Variants in UBL3 observed in about 807,000 individuals in gnomAD.
UBL3 encodes the protein ubiquitin-like protein 3.
Under a neutral mutation model 18.4 loss-of-function variants are expected in UBL3, and 6 were observed. The ratio of observed to expected loss-of-function variants is 0.33; its 90% confidence interval spans 0.18 to 0.64. The LOEUF is 0.64. UBL3 is among the 30% of genes least tolerant of loss of function. The pLI is 0.76. For synonymous variants in UBL3, 49 were observed against 46.6 expected, an observed-to-expected ratio of 1.05 and a Z score of -0.21; for missense variants, 109 against 142.9, an observed-to-expected ratio of 0.76 and a Z score of 1.21.
At chr13:29,836,250 T>TG (rs1878959261) in intron 1 of UBL3, among the ~76,000 whole-genome samples, 1 of 152,084 alleles carries the variant, frequency 6.6e-6, no homozygotes, top group African/African-American at 2.4e-5. Context: ...GATGGTGCCA[T>TG]GGTAAGTAAC....
chr13:29,785,962 G>C (rs576345261), intron 1 of UBL3, among the ~76,000 whole-genome samples: 3 of 152,330 alleles, frequency 2.0e-5, no homozygotes, highest in South Asian at 4.1e-4. Flanking sequence ...GTGTGGAACA[G>C]TGAGTTATAA....
intron 1 of UBL3, among the ~76,000 whole-genome samples, chr13:29,816,937 G>A (rs1261949136): frequency 6.6e-6 from 1 of 152,028 alleles, no homozygotes; most frequent in Non-Finnish European, 1.5e-5. Flanking sequence ...CTAACTGCTA[G>A]GTAAATTAGG....
At chr13:29,775,623 ATTT>A (rs987503319) in intron 2 of UBL3, among the ~76,000 whole-genome samples, 1 of 150,276 alleles carries the variant, frequency 6.7e-6, no homozygotes, top group East Asian at 2.0e-4. Context: ...GAGGGAGGCA[ATTT>A]TTTTTTTGAG....
At chr13:29,774,003 CTT>C (rs1305947489) in intron 2 of UBL3, among the ~76,000 whole-genome samples, 1 of 152,188 alleles carries the variant, frequency 6.6e-6, no homozygotes, top group African/African-American at 2.4e-5. Flanking sequence ...ACAATATAGA[CTT>C]AGATTTTTAA....
intron 1 of UBL3, among the ~76,000 whole-genome samples, chr13:29,796,508 A>G (rs1877617049): frequency 1.3e-5 from 2 of 152,208 alleles, no homozygotes; most frequent in Non-Finnish European, 2.9e-5. Context: ...ACTTATAAAA[A>G]TGGTCAACCT....
rs139786947 is a variant in UBL3, at chr13:29,772,932, T to C, written c.137-734A>G. 2.2e-4 allele frequency among the ~76,000 whole-genome samples: 34 copies of C among 152,198 alleles called. No homozygotes were observed. In the East Asian group the frequency reaches 6.0e-3, roughly 27 times the overall value. On this transcript the variant is annotated intron_variant, in intron 2 of 4. Coordinates refer to ENST00000380680, the MANE Select transcript of UBL3 (RefSeq NM_007106.4). The stretch of plus-strand genomic sequence containing the variant: ...CTATAATTTATATTATTGTAAAAGA[T>C]GGAAACCACTCCATTAAAATAAAGG...
intron 1 of UBL3, among the ~76,000 whole-genome samples, chr13:29,835,101 T>TATAA (rs1566000937): frequency 6.7e-5 from 3 of 44,974 alleles, no homozygotes; most frequent in South Asian, 1.0e-3. Context: ...TATATATATA[T>TATAA]ATATAAATAT....
intron 1 of UBL3, among the ~76,000 whole-genome samples, chr13:29,831,910 C>T (rs535012018): frequency 6.6e-6 from 1 of 152,234 alleles, no homozygotes; most frequent in East Asian, 1.9e-4. Flanking sequence ...ATAGTAGCCA[C>T]TAGATACACA....
intron 1 of UBL3, among the ~76,000 whole-genome samples, chr13:29,842,202 C>T (rs2025604): frequency 0.28 from 41,140 of 147,544 alleles, 5,819 homozygotes; most frequent in East Asian, 0.41. Flanking sequence ...AGTGCAGTGG[C>T]GCAATCTCAG....
intron 1 of UBL3, among the ~76,000 whole-genome samples, chr13:29,784,937 ACT>A (rs760529813): frequency 7.9e-5 from 12 of 152,078 alleles, no homozygotes; most frequent in Admixed American, 5.2e-4. Flanking sequence ...ACGGAGTCTC[ACT>A]CTGTCACCCA....
intron 1 of UBL3, among the ~76,000 whole-genome samples, chr13:29,830,971 T>G (rs1878755956): frequency 6.6e-6 from 1 of 152,324 alleles, no homozygotes; most frequent in Admixed American, 6.5e-5. Flanking sequence ...CTGCTGTTGT[T>G]GACAAATCTG....
intron 1 of UBL3, among the ~76,000 whole-genome samples, chr13:29,839,070 C>T (rs1195477740): frequency 6.6e-6 from 1 of 152,072 alleles, no homozygotes; most frequent in African/African-American, 2.4e-5. Context: ...TTTGAGAGAA[C>T]TAAAAACATA....
At chr13:29,793,085 C>T (rs889411506) in intron 1 of UBL3, among the ~76,000 whole-genome samples, 14 of 151,966 alleles carry the variant, frequency 9.2e-5, no homozygotes, top group Admixed American at 8.5e-4. Flanking sequence ...GAAAGCAAAA[C>T]AAATGGCAGC....
intron 1 of UBL3, among the ~76,000 whole-genome samples, chr13:29,826,850 C>T (rs1878634242): frequency 6.6e-6 from 1 of 152,186 alleles, no homozygotes; most frequent in African/African-American, 2.4e-5. Flanking sequence ...CTACACACTG[C>T]TTTAAATGTG....
rs186132438 is a variant in UBL3 at position 29,843,151 on chromosome 13, G to A, written c.27+6361C>T. 4.3e-4 allele frequency among the ~76,000 whole-genome samples: 66 copies of A among 152,188 alleles called. 1 individual carries two copies. Among genetic ancestry groups the A allele is most frequent in the African/African-American group, 1.5e-3 (62 of 41,522 alleles). ...AAATCTTTAGTCATCTAGTGCAGTG[G>A]CTCCTACATTTTTTTGACTGAAGAT... On this transcript the variant is annotated intron_variant, in intron 1 of 4. Transcript: ENST00000380680.
chr13:29,777,032 G>C, intron 2 of UBL3, 123 bp downstream of exon 2: 1 of 684,638 alleles, frequency 1.5e-6, no homozygotes, highest in Non-Finnish European at 2.3e-6. Flanking sequence ...CTAAATCTGA[G>C]CCTTATACTC....
chr13:29,811,187 G>A (rs1268295677), intron 1 of UBL3, among the ~76,000 whole-genome samples: 1 of 152,034 alleles, frequency 6.6e-6, no homozygotes. Context: ...GGAGGATACT[G>A]GTCCCTCGAG....
intron 1 of UBL3, among the ~76,000 whole-genome samples, chr13:29,806,101 C>G (rs35828457): frequency 0.1 from 15,497 of 152,176 alleles, 968 homozygotes; most frequent in African/African-American, 0.17. Context: ...AGCTTGAGCC[C>G]ACGAGGCAGA....
intron 1 of UBL3, among the ~76,000 whole-genome samples, chr13:29,840,311 A>G (rs987109530): frequency 2.0e-5 from 3 of 152,186 alleles, no homozygotes; most frequent in Admixed American, 6.5e-5. Context: ...GAAATAGAAA[A>G]TATGAATAGC....
Sources: gnomAD v4.1 joint callset for allele counts (sites outside exome capture counted in the v4.1 genomes callset) on GRCh38, gnomAD v4.1.1 for gene constraint, MANE v1.5 for transcripts, NCBI Gene and HGNC (gene_info 2026-07-23, HGNC 2026-07-21) for gene names.